CPNE4: variants seen among roughly 807,000 people sequenced by gnomAD.
CPNE4 encodes copine-4.
CPNE4 carries 25 observed loss-of-function variants against 67.9 expected under a neutral mutation model. The ratio of observed to expected loss-of-function variants is 0.37; its 90% CI spans 0.27 to 0.51. CPNE4 has a LOEUF of 0.51. Ranked by LOEUF, CPNE4 falls within the 20% of genes least tolerant of loss-of-function variation. The probability of loss-of-function intolerance (pLI) is 0.93; values close to 1 mark genes in which losing one functional copy is unlikely to be tolerated. For synonymous variants in CPNE4, 242 were observed against 244.9 expected (o/e 0.99, Z 0.11); for missense variants, 464 against 690.8 (o/e 0.67, Z 3.68).
At chr3:131,718,275 G>A (rs2107736953) in intron 3 of CPNE4, among the ~76,000 whole-genome samples, 1 of 152,190 alleles carries the variant, frequency 6.6e-6, no homozygotes, top group Non-Finnish European at 1.5e-5. Context: ...GTGAGCCACT[G>A]CACCCGGCCA....
At chr3:131,851,595 G>A (rs1270435760) in intron 2 of CPNE4, among the ~76,000 whole-genome samples, 1 of 152,020 alleles carries the variant, frequency 6.6e-6, no homozygotes, top group East Asian at 1.9e-4. Flanking sequence ...CAAAGAAGTT[G>A]GTGATGATAG....
At chr3:131,715,310 C>T (rs961228909) in intron 3 of CPNE4, among the ~76,000 whole-genome samples, 3 of 152,210 alleles carry the variant, frequency 2.0e-5, no homozygotes, top group African/African-American at 7.2e-5. Flanking sequence ...GATTCCTAGT[C>T]TGCCTCTATC....
chr3:131,575,087 CA>C lies in CPNE4; in HGVS notation c.910del (p.Cys304AlafsTer7). On this transcript the variant is annotated frameshift_variant, in exon 10 of 16. Transcript: ENST00000429747. LOFTEE classifies it high-confidence loss of function. ...HSFLDYIMGG[C>X]QIQFTVAIDF... ...ACAACTTACTGTAAACTGGATTTGG[CA>C]GCCACCCATGATGTAGTCCAAGAAA... is the stretch of plus-strand genomic sequence containing the variant. The C allele has an allele frequency of 6.2e-7, 1 of 1,612,566 alleles. No homozygotes were observed.
At chr3:131,978,081 A>ATAGATATT (rs1560720002) in intron 1 of CPNE4, among the ~76,000 whole-genome samples, 1 of 37,670 alleles carries the variant, frequency 2.7e-5, no homozygotes, top group African/African-American at 1.5e-4. Context: ...ATATATAAAT[A>ATAGATATT]TATATAAATA....
chr3:131,942,453 TGTGTGTGTGTGAGA>T (rs1170404805), intron 1 of CPNE4, among the ~76,000 whole-genome samples: 2 of 62,330 alleles, frequency 3.2e-5, no homozygotes, highest in African/African-American at 1.4e-4. Context: ...TGTGTGTGTG[TGTGTGTGTGTGAGA>T]GAGAGAGAGA....
At chr3:131,956,452 A>T (rs2071975917) in intron 1 of CPNE4, among the ~76,000 whole-genome samples, 1 of 152,202 alleles carries the variant, frequency 6.6e-6, no homozygotes, top group Non-Finnish European at 1.5e-5. Flanking sequence ...ATAAAATCTT[A>T]AGTATTAGAA....
intron 4 of CPNE4, 22 bp downstream of exon 4, chr3:131,699,887 T>C (rs2081249933): frequency 6.2e-7 from 1 of 1,605,878 alleles, no homozygotes; most frequent in Admixed American, 1.7e-5. Context: ...GGCAGACAGC[T>C]GCTTAGGGAG....
At position 131,944,625 on chromosome 3, in the gene CPNE4, G is replaced by GA. The variant is rs77645273; in HGVS notation, c.-1-39182dup. Reference sequence around the variant, plus strand: ...CTCTCCCTACAGATGACTGCAAAAAGAAAAAAAAAGAGTCATTTCCAGTTT... The same window carrying GA: ...CTCTCCCTACAGATGACTGCAAAAAGAAAAAAAAAAGAGTCATTTCCAGTTT... On this transcript the variant is annotated intron_variant, in intron 1 of 15. Coordinates refer to ENST00000429747, the MANE Select transcript of CPNE4 (RefSeq NM_130808.3). 6.0e-4 allele frequency among the ~76,000 whole-genome samples: 90 copies of GA among 149,962 alleles called. No homozygotes were observed. In the East Asian group the frequency reaches 0.015, roughly 25 times the overall value.
chr3:131,965,051 G>A (rs1259018076), intron 1 of CPNE4, among the ~76,000 whole-genome samples: 3 of 152,182 alleles, frequency 2.0e-5, no homozygotes, highest in African/African-American at 7.2e-5. Flanking sequence ...CAAGCTGGAA[G>A]AGAGTGGGGG....
At chr3:132,008,159 T>C (rs1235898345) in intron 1 of CPNE4, among the ~76,000 whole-genome samples, 1 of 152,168 alleles carries the variant, frequency 6.6e-6, no homozygotes, top group Admixed American at 6.5e-5. Context: ...ATATGACTTA[T>C]TATTTCTTAT....
Position 131,814,572 on chromosome 3 carries a change from A to ATTTTTTTTTTTT in CPNE4, c.180+90680_180+90691dup, listed in dbSNP as rs71136418. On this transcript the variant is annotated intron_variant, in intron 2 of 15. Transcript: ENST00000429747. ...TGGAAGCATAAAATATTGAAATGCAATTTTTTTTTTTTTTTTTTTTTTTTT... is the reference window on the plus strand; with the variant it reads ...TGGAAGCATAAAATATTGAAATGCAATTTTTTTTTTTTTTTTTTTTTTTTTTTTTTTTTTTTT... 8.4e-5 allele frequency among the ~76,000 whole-genome samples: 6 copies of ATTTTTTTTTTTT among 71,134 alleles called. 1 individual carries two copies. Among genetic ancestry groups the ATTTTTTTTTTTT allele is most frequent in the Non-Finnish European group, 1.6e-4 (6 of 36,664 alleles). The allele number at this position is 71,134 out of a possible 152,430, so 46.7% of individuals were successfully genotyped here. A position where few individuals can be genotyped will look rare whatever the true frequency, so the allele number is the denominator to read the frequency against.
chr3:131,826,870 A>G (rs1329333520), intron 2 of CPNE4, among the ~76,000 whole-genome samples: 1 of 152,002 alleles, frequency 6.6e-6, no homozygotes, highest in East Asian at 1.9e-4. Flanking sequence ...CATTTCTACT[A>G]AAAATAATTT....
intron 13 of CPNE4, among the ~76,000 whole-genome samples, chr3:131,551,008 G>A (rs978706922): frequency 7.2e-5 from 11 of 152,024 alleles, no homozygotes; most frequent in African/African-American, 2.7e-4. Context: ...TTCTCTTGTT[G>A]TCTGTGCCTG....
intron 1 of CPNE4, among the ~76,000 whole-genome samples, chr3:132,028,359 T>G (rs1358924462): frequency 1.3e-5 from 2 of 152,204 alleles, no homozygotes; most frequent in African/African-American, 4.8e-5. Context: ...TCCTCACACT[T>G]AACAGCACAA....
intron 2 of CPNE4, among the ~76,000 whole-genome samples, chr3:131,771,173 T>C (rs995119419): frequency 2.1e-4 from 32 of 152,178 alleles, no homozygotes; most frequent in African/African-American, 7.2e-4. Flanking sequence ...TGAAACATAA[T>C]AGATGCTCGA....
intron 1 of CPNE4, among the ~76,000 whole-genome samples, chr3:131,919,869 A>T (rs1560601854): frequency 1.3e-5 from 2 of 152,166 alleles, no homozygotes; most frequent in Non-Finnish European, 2.9e-5. Flanking sequence ...GAATATATGA[A>T]TTTTTTAAAA....
At chr3:131,801,415 C>CATGTGTAT (rs1553774149) in intron 2 of CPNE4, among the ~76,000 whole-genome samples, 2 of 66,088 alleles carry the variant, frequency 3.0e-5, no homozygotes, top group Non-Finnish European at 5.3e-5. Context: ...TACATATATA[C>CATGTGTAT]GTGTGTGTGT....
intron 2 of CPNE4, among the ~76,000 whole-genome samples, chr3:131,821,483 C>A (rs1251785301): frequency 1.3e-5 from 2 of 152,198 alleles, no homozygotes; most frequent in Non-Finnish European, 2.9e-5. Flanking sequence ...AATATTCCTT[C>A]CAGCCTTCAT....
intron 7 of CPNE4, among the ~76,000 whole-genome samples, chr3:131,635,565 A>C (rs1296930217): frequency 6.6e-6 from 1 of 152,208 alleles, no homozygotes; most frequent in Admixed American, 6.5e-5. Flanking sequence ...TATTTCAAGT[A>C]CTCAATAGCA....
Sources: gnomAD v4.1 joint callset for allele counts (sites outside exome capture counted in the v4.1 genomes callset) on GRCh38, gnomAD v4.1.1 for gene constraint, MANE v1.5 for transcripts, NCBI Gene and HGNC (gene_info 2026-07-23, HGNC 2026-07-21) for gene names.